VEGFD: variants seen among roughly 807,000 people sequenced by gnomAD.
The protein encoded by VEGFD is vascular endothelial growth factor D.
A neutral mutation model predicts 28.0 loss-of-function variants in VEGFD; 26 were observed. The ratio of observed to expected loss-of-function variants is 0.93; its 90% CI spans 0.68 to 1.29. The LOEUF (loss-of-function observed/expected upper bound fraction) is 1.29. Among genes scored for constraint, VEGFD ranks in the 50% most tolerant of loss-of-function variants. The pLI is 0.00. For synonymous variants in VEGFD, 93 were observed against 95.5 expected, an observed-to-expected ratio of 0.97 and a Z score of 0.15; for missense variants, 294 against 273.4, an observed-to-expected ratio of 1.08 and a Z score of -0.53.
intron 2 of VEGFD, among the ~76,000 whole-genome samples, chrX:15,358,499 G>A (rs1223254229): frequency 9.0e-6 from 1 of 111,730 alleles, no homozygotes; most frequent in Non-Finnish European, 1.9e-5. Context: ...GGTTAATAGG[G>A]AAGTAAATAG....
intron 5 of VEGFD, among the ~76,000 whole-genome samples, chrX:15,352,521 A>T (rs6653951): frequency 0.052 from 5,784 of 110,815 alleles, 154 homozygotes; most frequent in South Asian, 0.11. Context: ...TTCCAGAAAA[A>T]TTTTCTCTTA....
intron 2 of VEGFD, among the ~76,000 whole-genome samples, chrX:15,361,228 C>T (rs149756395): frequency 0.029 from 3,264 of 112,207 alleles, 107 homozygotes; most frequent in African/African-American, 0.095. Flanking sequence ...TTTATGGTAA[C>T]GTTCATGTTC....
At chrX:15,372,783 A>C (rs757389928) in intron 1 of VEGFD, among the ~76,000 whole-genome samples, 1 of 112,313 alleles carries the variant, frequency 8.9e-6, no homozygotes, top group East Asian at 2.8e-4. Context: ...GCTCAGAAAT[A>C]GTCTTAGTCT....
At chrX:15,368,015 A>AAAGAAAGAAAGAAAGAAAGAAAGG (rs1923199387) in intron 1 of VEGFD, among the ~76,000 whole-genome samples, 1 of 101,648 alleles carries the variant, frequency 9.8e-6, no homozygotes, top group African/African-American at 3.8e-5. Context: ...AGAAAGAAAG[A>AAAGAAAGAAAGAAAGAAAGAAAGG]AAGAAAGAAA....
chrX:15,348,054 A>G (rs1250051991), intron 5 of VEGFD, among the ~76,000 whole-genome samples: 1 of 112,017 alleles, frequency 8.9e-6, no homozygotes, highest in Non-Finnish European at 1.9e-5. Context: ...AATGGAAGAG[A>G]CAGAAACTTT....
chrX:15,351,411 G>A lies in VEGFD; in HGVS notation c.742+1657C>T, dbSNP rs1003338850. The stretch of plus-strand genomic sequence containing the variant: ...TGGGACTACAGGCGTGAGCCACCGC[G>A]CCCGGCCGGCCCGGCTGGTTTTCAA... On this transcript the variant is annotated intron_variant, in intron 5 of 6. Transcript: ENST00000297904. Among the ~76,000 whole-genome samples the A allele has an allele frequency of 1.7e-4, 19 of 109,329 alleles. No individual in the cohort carries two copies. The South Asian group carries it at 2.4e-3, about 14-fold the overall frequency. 94.9% of individuals were successfully genotyped at this position (109,329 alleles called of 115,157 possible).
In VEGFD at chrX:15,346,232, G is replaced by A. The variant is rs1316713150; in HGVS notation, c.966C>T (p.Thr322=). 1 of 1,209,581 alleles carries A rather than the reference G, an allele frequency of 8.3e-7. No homozygotes were observed. Among genetic ancestry groups the A allele is most frequent in the East Asian group, 3.0e-5 (1 of 33,843 alleles). Residue 322 remains threonine (T), a synonymous_variant, in exon 7 of 7, where the codon ACC becomes ACT. Coordinates refer to ENST00000297904, the MANE Select transcript of VEGFD (RefSeq NM_004469.5). ...CTGTTTTGCCACTTGCACATGGTCTGGTATGAAAGGGGCATCTGTCCTCAC... is the reference window on the plus strand; with the variant it reads ...CTGTTTTGCCACTTGCACATGGTCTAGTATGAAAGGGGCATCTGTCCTCAC... The part of the protein sequence containing the change: ...CSCEDRCPFH[T]RPCASGKTAC...
intron 2 of VEGFD, among the ~76,000 whole-genome samples, chrX:15,362,211 C>T (rs746116969): frequency 9.0e-6 from 1 of 111,529 alleles, no homozygotes; most frequent in East Asian, 2.8e-4. Context: ...AGGGAACGAT[C>T]ATTATCCTTA....
intron 2 of VEGFD, among the ~76,000 whole-genome samples, chrX:15,360,912 G>A (rs1160446266): frequency 8.9e-6 from 1 of 111,848 alleles, no homozygotes; most frequent in African/African-American, 3.2e-5. Flanking sequence ...AAAATCATAT[G>A]CAATTATGAC....
In VEGFD at chrX:15,346,108, G is replaced by C. The variant is rs199572303; in HGVS notation, c.*25C>G. 3 of 1,202,545 alleles carry C rather than the reference G, an allele frequency of 2.5e-6. No individual in the cohort carries two copies. In the Admixed American group the frequency reaches 6.8e-5, roughly 27 times the overall value. On this transcript the variant is annotated 3_prime_UTR_variant, in exon 7 of 7. Coordinates refer to ENST00000297904, the MANE Select transcript of VEGFD (RefSeq NM_004469.5). ...AAGCAGCATGCTGTTAAAAATGACAGGGATGGGGAACTTGGAACGCTGAAT... is the reference window on the plus strand; with the variant it reads ...AAGCAGCATGCTGTTAAAAATGACACGGATGGGGAACTTGGAACGCTGAAT...
chrX:15,357,132 G>A (rs774117046), intron 3 of VEGFD, among the ~76,000 whole-genome samples: 134 of 111,946 alleles, frequency 1.2e-3, no homozygotes, highest in Non-Finnish European at 2.1e-3. Flanking sequence ...TCTCATATGC[G>A]ACATTTATTA....
chrX:15,366,076 G>C (rs1051272691), intron 1 of VEGFD, among the ~76,000 whole-genome samples: 2 of 111,347 alleles, frequency 1.8e-5, no homozygotes, highest in African/African-American at 3.3e-5. Context: ...GCGCGATCTC[G>C]GCTCACTGCA....
At chrX:15,362,989 AGACC>A in intron 2 of VEGFD, 116 bp downstream of exon 2, 1 of 579,557 alleles carries the variant, frequency 1.7e-6, no homozygotes, top group Non-Finnish European at 2.8e-6. Flanking sequence ...TGGAAATCAA[AGACC>A]GACTTTCATT....
In VEGFD at chrX:15,366,261, C is replaced by T. The variant is rs748344853; in HGVS notation, c.91-2942G>A. Among the ~76,000 whole-genome samples, 5 of 112,046 alleles carry T rather than the reference C, an allele frequency of 4.5e-5. 1 individual carries two copies. The Admixed American group carries it at 4.7e-4, about 11-fold the overall frequency. On this transcript the variant is annotated intron_variant, in intron 1 of 6. Coordinates refer to ENST00000297904, the MANE Select transcript of VEGFD (RefSeq NM_004469.5). ...TCCTGACTTTGTGATCCACCCACCT[C>T]GGCCTCCCACAGTGCTGGGATTACA...
rs1453028838 is a variant in VEGFD, at chrX:15,353,152, TC to T, written c.657del (p.Lys220AsnfsTer43). On this transcript the variant is annotated frameshift_variant, in exon 5 of 7. Transcript: ENST00000297904. LOFTEE classifies it high-confidence loss of function. ...IPEEDRCSHSKKLCPIDMLWD... is the reference protein window; with the variant it reads ...IPEEDRCSHSXKLCPIDMLWD... ...CATAGCATGTCAATAGGACAGAGTT[TC>T]TTGGAATGGGAACAGCTAGGAAAAG... The T allele has an allele frequency of 8.7e-7, 1 of 1,148,650 alleles. No homozygotes were observed. The highest frequency in any genetic ancestry group is 1.8e-5 in the African/African-American group (1 of 55,896). 94.7% of individuals were successfully genotyped at this position (1,148,650 alleles called of 1,213,427 possible). A position where few individuals can be genotyped will look rare whatever the true frequency, so the allele number is the denominator to read the frequency against.
chrX:15,375,330 T>A (rs1047746512), intron 1 of VEGFD, among the ~76,000 whole-genome samples: 6 of 112,097 alleles, frequency 5.4e-5, no homozygotes, highest in African/African-American at 1.9e-4. Context: ...ACAACCCACA[T>A]TTTACATTTT....
intron 1 of VEGFD, among the ~76,000 whole-genome samples, chrX:15,380,182 C>A (rs906663489): frequency 1.8e-5 from 2 of 112,467 alleles, no homozygotes; most frequent in Non-Finnish European, 3.8e-5. Context: ...GGCCATTTGA[C>A]CAACATCAAA....
chrX:15,356,427 A>G (rs973211149), intron 3 of VEGFD, among the ~76,000 whole-genome samples: 2 of 112,411 alleles, frequency 1.8e-5, no homozygotes, highest in Non-Finnish European at 3.8e-5. Flanking sequence ...GCATATTTGG[A>G]AGAAAAACTG....
intron 5 of VEGFD, among the ~76,000 whole-genome samples, chrX:15,350,825 C>CTCT (rs1922684079): frequency 1.2e-5 from 1 of 83,936 alleles, no homozygotes; most frequent in Non-Finnish European, 2.3e-5. Flanking sequence ...CTCTCTCTCT[C>CTCT]TTTCTTTTCT....
Sources: gnomAD v4.1 joint callset for allele counts (sites outside exome capture counted in the v4.1 genomes callset) on GRCh38, gnomAD v4.1.1 for gene constraint, MANE v1.5 for transcripts, NCBI Gene and HGNC (gene_info 2026-07-23, HGNC 2026-07-21) for gene names.